DACH2: variants seen among roughly 807,000 people sequenced by gnomAD.
The protein encoded by DACH2 is dachshund family transcription factor 2, also known as dachshund homolog 2.
DACH2 carries 17 observed loss-of-function variants against 35.8 expected under a neutral mutation model. That is an observed-to-expected ratio of 0.48 (90% CI 0.33 to 0.71). DACH2 has a LOEUF of 0.71. Among genes scored for constraint, DACH2 ranks in the 30% least tolerant of loss-of-function variants. The probability of loss-of-function intolerance (pLI) is 0.02; values close to 1 mark genes in which losing one functional copy is unlikely to be tolerated. For missense variants in DACH2, 469 were observed against 472.7 expected (o/e 0.99, Z 0.07); for synonymous variants, 195 against 177.3 (o/e 1.10, Z -0.79).
intron 2 of DACH2, among the ~76,000 whole-genome samples, chrX:86,482,094 T>C (rs1373392543): frequency 1.8e-5 from 2 of 111,504 alleles, no homozygotes; most frequent in Admixed American, 9.6e-5. Context: ...CACATTGTGG[T>C]GAATACAGTT....
At chrX:86,262,367 C>T (rs904396013) in intron 1 of DACH2, among the ~76,000 whole-genome samples, 4 of 111,891 alleles carry the variant, frequency 3.6e-5, no homozygotes, top group Non-Finnish European at 7.5e-5. Context: ...CTTACATATT[C>T]TTCTCCCATA....
chrX:86,317,976 C>G (rs1177780469), intron 1 of DACH2, among the ~76,000 whole-genome samples: 1 of 111,559 alleles, frequency 9.0e-6, no homozygotes, highest in Non-Finnish European at 1.9e-5. Flanking sequence ...AAGGGAAATA[C>G]ACCCTTTCAG....
chrX:86,340,446 C>T (rs757823791), intron 1 of DACH2, among the ~76,000 whole-genome samples: 4 of 111,281 alleles, frequency 3.6e-5, no homozygotes, highest in East Asian at 5.7e-4. Flanking sequence ...TAAATGTCTG[C>T]GTGTTCTCAT....
chrX:86,348,243 A>T lies in DACH2; in HGVS notation c.489-28581A>T, dbSNP rs188649705. ...CCTTATCATCTCGGACTGTTGCAAA[A>T]ATCTACTGTTTTGTCATTAGGTTTA... On this transcript the variant is annotated intron_variant, in intron 1 of 11. Coordinates refer to ENST00000373125, the MANE Select transcript of DACH2 (RefSeq NM_053281.3). 8.9e-5 allele frequency among the ~76,000 whole-genome samples: 10 copies of T among 111,801 alleles called. No homozygotes were observed. In the East Asian group the frequency reaches 2.8e-3, roughly 32 times the overall value.
intron 2 of DACH2, among the ~76,000 whole-genome samples, chrX:86,382,968 GT>G (rs1569371103): frequency 1.8e-5 from 2 of 110,539 alleles, no homozygotes; most frequent in Non-Finnish European, 3.8e-5. Flanking sequence ...TTGCCATCCT[GT>G]TTTTAGTTTA....
chrX:86,685,075 A>G (rs2040925945), intron 4 of DACH2, among the ~76,000 whole-genome samples: 1 of 112,014 alleles, frequency 8.9e-6, no homozygotes, highest in African/African-American at 3.2e-5. Flanking sequence ...TGAAGGTGAC[A>G]GAGTTCCTAC....
intron 7 of DACH2, among the ~76,000 whole-genome samples, chrX:86,812,282 T>C (rs1478592638): frequency 9.0e-6 from 1 of 111,506 alleles, no homozygotes; most frequent in Admixed American, 9.6e-5. Flanking sequence ...TTAATGGTTT[T>C]TAGGGGCTGA....
intron 3 of DACH2, among the ~76,000 whole-genome samples, chrX:86,633,743 C>G (rs11092809): frequency 0.23 from 25,644 of 110,517 alleles, 2,763 homozygotes; most frequent in East Asian, 0.48. Context: ...AACAACACAG[C>G]TAAAAGAAGC....
In DACH2 at chrX:86,812,989, G is replaced by A. The variant is rs1320217177; in HGVS notation, c.1374G>A (p.Leu458=). Reference sequence around the variant, plus strand: ...ATAGTCTGTCCTCCGTGGAGACTCTGTTGACCAACATTCAGGTCAACAATA... The same window carrying A: ...ATAGTCTGTCCTCCGTGGAGACTCTATTGACCAACATTCAGGTCAACAATA... ...FADSLSSVET[L]LTNIQGLLKV... The change falls in exon 8 of 12, where the codon CTG becomes CTA. Residue 458 remains leucine (L), a synonymous_variant. Transcript: ENST00000373125. The A allele has an allele frequency of 1.7e-6, 2 of 1,198,254 alleles. No homozygotes were observed. The highest frequency in any genetic ancestry group is 2.2e-6 in the Non-Finnish European group (2 of 889,031).
intron 1 of DACH2, among the ~76,000 whole-genome samples, chrX:86,283,895 TAC>T (rs1214367028): frequency 1.7e-5 from 1 of 59,507 alleles, no homozygotes; most frequent in Non-Finnish European, 3.2e-5. Context: ...CACACACACA[TAC>T]ACACACACAC....
intron 1 of DACH2, among the ~76,000 whole-genome samples, chrX:86,297,069 A>ATATATG (rs772662061): frequency 0.01 from 1,015 of 98,860 alleles, 17 homozygotes; most frequent in South Asian, 0.03. Context: ...ATATATATAT[A>ATATATG]TAATTAGAGC....
At chrX:86,778,090 C>T (rs1342000153) in intron 7 of DACH2, among the ~76,000 whole-genome samples, 1 of 111,735 alleles carries the variant, frequency 8.9e-6, no homozygotes, top group Non-Finnish European at 1.9e-5. Context: ...AATAGTGCTG[C>T]AGCAAACCTG....
At chrX:86,466,795 C>T (rs1180180934) in intron 2 of DACH2, among the ~76,000 whole-genome samples, 3 of 111,390 alleles carry the variant, frequency 2.7e-5, no homozygotes, top group African/African-American at 9.8e-5. Context: ...CACATGGAAG[C>T]TGCCAAGCCT....
chrX:86,386,371 T>G (rs769350238), intron 2 of DACH2, among the ~76,000 whole-genome samples: 10 of 111,615 alleles, frequency 9.0e-5, no homozygotes, highest in Non-Finnish European at 1.9e-4. Flanking sequence ...CTGTTGAGAT[T>G]GACCTTGATC....
In DACH2 at chrX:86,282,838, C is replaced by T. The variant is rs1337856208; in HGVS notation, c.489-93986C>T. On this transcript the variant is annotated intron_variant, in intron 1 of 11. Transcript: ENST00000373125. ...TGTCGCCCAGGCTGGAGTGCAGTGG[C>T]GGGATCTCGGCTCACTGCAAGCTCC... is the stretch of plus-strand genomic sequence containing the variant. 3.3e-4 allele frequency among the ~76,000 whole-genome samples: 9 copies of T among 26,965 alleles called. 3 individuals are homozygous for T. Among genetic ancestry groups the T allele is most frequent in the Non-Finnish European group, 4.7e-4 (9 of 19,203 alleles). The allele number at this position is 26,965 out of a possible 115,157, so 23.4% of individuals were successfully genotyped here.
At chrX:86,403,875 G>T (rs1268355067) in intron 2 of DACH2, among the ~76,000 whole-genome samples, 5 of 111,059 alleles carry the variant, frequency 4.5e-5, no homozygotes, top group Non-Finnish European at 9.4e-5. Flanking sequence ...CTTCTGTAGG[G>T]CTTGGGAGGA....
At chrX:86,689,288 G>T (rs2040982945) in intron 4 of DACH2, among the ~76,000 whole-genome samples, 1 of 111,388 alleles carries the variant, frequency 9.0e-6, no homozygotes, top group South Asian at 3.7e-4. Flanking sequence ...GCAAATAAAA[G>T]AATAATATGA....
chrX:86,610,361 TCC>T (rs2039916418), intron 3 of DACH2, among the ~76,000 whole-genome samples: 6 of 86,226 alleles, frequency 7.0e-5, no homozygotes, highest in African/African-American at 2.5e-4. Flanking sequence ...CTTCCTTCCT[TCC>T]TCTTTCTTTC....
chrX:86,271,117 A>G (rs917467413), intron 1 of DACH2, among the ~76,000 whole-genome samples: 3 of 111,577 alleles, frequency 2.7e-5, no homozygotes, highest in African/African-American at 9.8e-5. Flanking sequence ...ATTAGAGTAC[A>G]CAGCAACCCT....
Sources: allele counts gnomAD v4.1 joint callset (sites outside exome capture counted in the v4.1 genomes callset), GRCh38; gene constraint gnomAD v4.1.1; transcripts MANE v1.5; gene names NCBI Gene and HGNC (gene_info 2026-07-23, HGNC 2026-07-21).